The following USP36 variants were observed in gnomAD, a reference collection of about 807,000 sequenced individuals.
The protein encoded by USP36 is ubiquitin specific peptidase 36.
USP36 carries 59 observed loss-of-function variants against 111.5 expected under a neutral mutation model. The ratio of observed to expected loss-of-function variants is 0.53; its 90% CI spans 0.43 to 0.66. The LOEUF (loss-of-function observed/expected upper bound fraction) is 0.66. USP36 is among the 30% of genes least tolerant of loss of function. The pLI, the probability that USP36 is intolerant of heterozygous loss-of-function variation, is 0.00. For synonymous variants in USP36, 628 were observed against 581.0 expected, an observed-to-expected ratio of 1.08 and a Z score of -1.16; for missense variants, 1,488 against 1,468.0, an observed-to-expected ratio of 1.01 and a Z score of -0.22.
At chr17:78,828,518 C>T (rs184970831) in intron 5 of USP36, among the ~76,000 whole-genome samples, 2 of 152,286 alleles carry the variant, frequency 1.3e-5, no homozygotes. Flanking sequence ...CCTGTCCTGA[C>T]CTGCCCCCAC....
intron 3 of USP36, chr17:78,787,683 C>T (rs950355096): frequency 1.3e-5 from 2 of 152,234 alleles, no homozygotes; most frequent in African/African-American, 4.8e-5. Context: ...TTGGGAGCCA[C>T]ATTTAACTCT....
intron 10 of USP36, among the ~76,000 whole-genome samples, chr17:78,818,453 G>A (rs771498657): frequency 2.0e-5 from 3 of 152,208 alleles, no homozygotes; most frequent in South Asian, 2.1e-4. Context: ...TTTAAAAGGC[G>A]TCCCAGGTTG....
At position 78,820,984 on chromosome 17, in the gene USP36, T is replaced by A. The variant is rs1247896678; in HGVS notation, c.828+7A>T. 3 of 1,606,546 alleles carry A rather than the reference T, an allele frequency of 1.9e-6. No individual in the cohort carries two copies. The highest frequency in any genetic ancestry group is 2.6e-6 in the Non-Finnish European group (3 of 1,176,466). On this transcript the variant is annotated splice_region_variant and intron_variant, in intron 8 of 20. Coordinates refer to ENST00000449938, the MANE Select transcript of USP36 (RefSeq NM_001385174.1). The stretch of plus-strand genomic sequence containing the variant: ...CTGCAAAAGTGAAGGGCAGGACAGA[T>A]CTGTACCCGGATCTCCAGCGCGACG...
chr17:78,803,330 T>G lies in USP36; in HGVS notation c.2810+55A>C. 1.3e-6 allele frequency: 2 copies of G among 1,549,952 alleles called. No homozygotes were observed. The highest frequency in any genetic ancestry group is 1.8e-5 in the Admixed American group (1 of 55,866). On this transcript the variant is annotated intron_variant, in intron 16 of 20. Coordinates refer to ENST00000449938, the MANE Select transcript of USP36 (RefSeq NM_001385174.1). The surrounding 1 kb of genome is among the most constrained non-coding windows in gnomAD (Gnocchi z 4.6). ...ACCTACTTGGGGGTAGATTCTGTGG[T>G]TTTGCTTTGTTTCTCGTCAGAGGTA...
intron 3 of USP36, among the ~76,000 whole-genome samples, chr17:78,790,373 C>T (rs1197444400): frequency 6.6e-6 from 1 of 152,224 alleles, no homozygotes; most frequent in African/African-American, 2.4e-5. Flanking sequence ...TCACTGCAAC[C>T]TCCACCTCCT....
chr17:78,822,992 T>C lies in USP36; in HGVS notation c.690-988A>G, dbSNP rs1210117318. ...CCTCACTGGCACAAAGCGGGGCTGT[T>C]TCCAGGGCTCTCTCCACGTTTCCCA... On this transcript the variant is annotated intron_variant, in intron 6 of 20. Transcript: ENST00000449938. The C allele has an allele frequency of 7.6e-6, 3 of 396,936 alleles. No individual in the cohort carries two copies. In the Admixed American group the frequency reaches 1.3e-4, roughly 18 times the overall value. 24.6% of individuals were successfully genotyped at this position (396,936 alleles called of 1,614,324 possible).
chr17:78,798,142 C>A lies in USP36; in HGVS notation c.*20+258G>T, dbSNP rs1040016032. Reference sequence around the variant, plus strand: ...AGGTGTACACACCCCACACCCAACACACACTACACACACCCCCTTATACAC... The same window carrying A: ...AGGTGTACACACCCCACACCCAACAAACACTACACACACCCCCTTATACAC... On this transcript the variant is annotated intron_variant, in intron 20 of 20. Coordinates refer to ENST00000449938, the MANE Select transcript of USP36 (RefSeq NM_001385174.1). The surrounding 1 kb of genome is among the most constrained non-coding windows in gnomAD (Gnocchi z 5.1). 2 of 486,524 alleles carry A rather than the reference C, an allele frequency of 4.1e-6. No homozygotes were observed. The highest frequency in any genetic ancestry group is 7.4e-6 in the Non-Finnish European group (2 of 269,504). The allele number at this position is 486,524 out of a possible 1,614,324, so 30.1% of individuals were successfully genotyped here. A position where few individuals can be genotyped will look rare whatever the true frequency, so the allele number is the denominator to read the frequency against.
Position 78,812,851 on chromosome 17 carries a change from C to A in USP36, c.1407+9G>T. On this transcript the variant is annotated intron_variant, in intron 13 of 20. Transcript: ENST00000449938. The stretch of plus-strand genomic sequence containing the variant: ...CAGCCACTTTGGCCTCCATCATTCT[C>A]ACAAATACCTTTCCAGTCAGTGGGG... 1 of 1,612,966 alleles carries A rather than the reference C, an allele frequency of 6.2e-7. No homozygotes were observed. Among genetic ancestry groups the A allele is most frequent in the South Asian group, 1.1e-5 (1 of 91,012 alleles).
chr17:78,814,933 G>C (rs879711130), intron 10 of USP36, among the ~76,000 whole-genome samples: 3 of 152,064 alleles, frequency 2.0e-5, no homozygotes, highest in Non-Finnish European at 2.9e-5. Flanking sequence ...CTGGGCGACA[G>C]AGCGAGACTG....
intron 2 of USP36, among the ~76,000 whole-genome samples, chr17:78,838,371 C>CAAAAAAAAAAAAAAAA (rs1195525371): frequency 1.7e-5 from 1 of 58,520 alleles, no homozygotes; most frequent in African/African-American, 5.7e-5. Flanking sequence ...GACTTGGTCT[C>CAAAAAAAAAAAAAAAA]AAAAAAAAAA....
intron 6 of USP36, among the ~76,000 whole-genome samples, chr17:78,825,712 C>T (rs2067474086): frequency 6.6e-6 from 1 of 152,190 alleles, no homozygotes; most frequent in African/African-American, 2.4e-5. Context: ...CTGACTGAAG[C>T]CCAGGGGTCA....
intron 2 of USP36, among the ~76,000 whole-genome samples, chr17:78,837,501 T>A (rs1232464392): frequency 6.6e-6 from 1 of 152,120 alleles, no homozygotes; most frequent in Non-Finnish European, 1.5e-5. Context: ...GCTTGGGAAG[T>A]GCTTTAGAGC....
intron 3 of USP36, 118 bp downstream of exon 3, chr17:78,835,993 A>C (rs1027180333): frequency 2.1e-6 from 3 of 1,443,546 alleles, no homozygotes; most frequent in Non-Finnish European, 2.8e-6. Context: ...CCATGTAAAA[A>C]TTCATAACTC....
At chr17:78,791,408 C>A (rs185050395), downstream of USP36, among the ~76,000 whole-genome samples, 2 of 152,206 alleles carry the variant, frequency 1.3e-5, no homozygotes, top group Admixed American at 6.5e-5. Flanking sequence ...CATGAGCCAC[C>A]GTGCCCGGCC....
Position 78,827,276 on chromosome 17 carries a change from T to C in USP36, c.658A>G (p.Met220Val), listed in dbSNP as rs574948112. ...HEFLRYTIDA[M>V]QKACLNGCAK... ...CAGCCATTCAGGCAGGCTTTCTGCA[T>C]GGCGTCGATGGTGTACCGCAGGAAC... The change falls in exon 6 of 21, where the codon ATG becomes GTG. Residue 220 changes from methionine to valine, a missense_variant. Met to Val is a conservative substitution (Grantham distance 21, BLOSUM62 1). Around this residue, in one of 3 missense-constraint regions of USP36, gnomAD observed 196 missense variants for 264.4 expected, o/e 0.74. Coordinates refer to ENST00000449938, the MANE Select transcript of USP36 (RefSeq NM_001385174.1). 1 of 1,613,976 alleles carries C rather than the reference T, an allele frequency of 6.2e-7. No homozygotes were observed. Among genetic ancestry groups the C allele is most frequent in the South Asian group, 1.1e-5 (1 of 91,052 alleles).
intron 3 of USP36, among the ~76,000 whole-genome samples, chr17:78,789,465 G>A (rs909698781): frequency 6.6e-6 from 1 of 152,144 alleles, no homozygotes; most frequent in African/African-American, 2.4e-5. Context: ...CAGGGAGCAA[G>A]CCTCCTGGAC....
chr17:78,800,862 C>G (rs2093723267), intron 17 of USP36, among the ~76,000 whole-genome samples: 1 of 152,196 alleles, frequency 6.6e-6, no homozygotes, highest in Non-Finnish European at 1.5e-5. Flanking sequence ...TGGCATGGAC[C>G]CTGGCGCACC....
rs1423473379 is a variant in USP36 at position 78,799,761 on chromosome 17, G to A, written c.3030C>T (p.Ser1010=). 1.2e-6 allele frequency: 2 copies of A among 1,600,766 alleles called. No individual in the cohort carries two copies. Among genetic ancestry groups the A allele is most frequent in the Admixed American group, 3.5e-5 (2 of 57,306 alleles). Residue 1010 remains serine (S), a synonymous_variant, in exon 18 of 21, where the codon AGC becomes AGT. Coordinates refer to ENST00000449938, the MANE Select transcript of USP36 (RefSeq NM_001385174.1). ...GWCPGDRMGL[S]QAPPVSWNGE... ...CATTCCAAGACACAGGAGGGGCCTGGCTCAGCCCTGCAATCGGAGCAGCCA... is the reference window on the plus strand; with the variant it reads ...CATTCCAAGACACAGGAGGGGCCTGACTCAGCCCTGCAATCGGAGCAGCCA...
downstream of USP36, among the ~76,000 whole-genome samples, chr17:78,794,020 G>A (rs926252985): frequency 2.6e-4 from 40 of 152,056 alleles, no homozygotes; most frequent in African/African-American, 9.2e-4. Context: ...CTTGGCCTCC[G>A]AACCCAACTA....
Sources: gnomAD v4.1 joint callset for allele counts (sites outside exome capture counted in the v4.1 genomes callset) on GRCh38, gnomAD v4.1.1 for gene constraint, gnomAD v4.1.1 regional missense constraint, Gnocchi (gnomAD v3.1) non-coding constraint, MANE v1.5 for transcripts, NCBI Gene and HGNC (gene_info 2026-07-23, HGNC 2026-07-21) for gene names.